Variants in DMD observed in about 807,000 individuals in gnomAD.
DMD encodes the protein mutant dystrophin.
In DMD, 63 loss-of-function variants were observed where a neutral mutation model predicts 330.1. The ratio of observed to expected loss-of-function variants is 0.19; its 90% CI spans 0.16 to 0.24. The LOEUF (loss-of-function observed/expected upper bound fraction) is 0.24, where lower values mean the gene tolerates loss of function less well. DMD is among the 10% of genes least tolerant of loss of function. The probability of loss-of-function intolerance (pLI) is 1.00; values close to 1 mark genes in which losing one functional copy is unlikely to be tolerated. For synonymous variants in DMD, 1,223 were observed against 959.8 expected (o/e 1.27, Z -5.07); for missense variants, 3,344 against 2,684.1 (o/e 1.25, Z -5.43).
At chrX:31,508,139 G>A (rs371510620) in intron 55 of DMD, 6 of 864,227 alleles carry the variant, frequency 6.9e-6, no homozygotes, top group Non-Finnish European at 1.0e-5. Flanking sequence ...GTTATGATAA[G>A]AGGTTATGCA....
chrX:31,706,483 C>CT (rs1198470709), intron 52 of DMD, among the ~76,000 whole-genome samples: 5 of 111,292 alleles, frequency 4.5e-5, no homozygotes, highest in Admixed American at 9.6e-5. Flanking sequence ...ATCCTGCCAT[C>CT]TTTTTTTGCT....
At chrX:32,357,400 C>T (rs2097806095) in intron 37 of DMD, among the ~76,000 whole-genome samples, 1 of 111,344 alleles carries the variant, frequency 9.0e-6, no homozygotes, top group South Asian at 3.8e-4. Flanking sequence ...AACTCTTGTG[C>T]TCCACTCCAG....
chrX:32,761,149 T>A (rs778928042), intron 7 of DMD, among the ~76,000 whole-genome samples: 2 of 112,116 alleles, frequency 1.8e-5, no homozygotes, highest in Non-Finnish European at 3.8e-5. Flanking sequence ...TTTAATAATG[T>A]TGTCTCCTTT....
At chrX:31,340,419 A>C (rs1173255725) in intron 61 of DMD, among the ~76,000 whole-genome samples, 1 of 112,696 alleles carries the variant, frequency 8.9e-6, no homozygotes, top group Non-Finnish European at 1.9e-5. Context: ...CAAAGGTAGT[A>C]CATGCTATTA....
At chrX:31,530,326 T>C (rs1056042073) in intron 55 of DMD, among the ~76,000 whole-genome samples, 1 of 111,936 alleles carries the variant, frequency 8.9e-6, no homozygotes, top group Non-Finnish European at 1.9e-5. Flanking sequence ...AGATATGGTA[T>C]ATTATACACA....
intron 60 of DMD, among the ~76,000 whole-genome samples, chrX:31,384,309 C>CACT (rs79171547): frequency 0.061 from 5,531 of 91,218 alleles, 171 homozygotes; most frequent in Non-Finnish European, 0.065. Flanking sequence ...TATCCTGCTT[C>CACT]ACTACTACTA....
At chrX:32,767,865 C>A (rs1569514859) in intron 7 of DMD, among the ~76,000 whole-genome samples, 1 of 111,603 alleles carries the variant, frequency 9.0e-6, no homozygotes, top group African/African-American at 3.3e-5. Context: ...TATATACACA[C>A]CCTACTATGT....
At chrX:32,631,300 G>A (rs1051117497) in intron 11 of DMD, among the ~76,000 whole-genome samples, 1 of 111,443 alleles carries the variant, frequency 9.0e-6, no homozygotes, top group South Asian at 3.8e-4. Context: ...ACAACACTGG[G>A]TCTTGATCAA....
intron 55 of DMD, among the ~76,000 whole-genome samples, chrX:31,583,489 G>C (rs1005963240): frequency 9.0e-6 from 1 of 111,019 alleles, no homozygotes; most frequent in Non-Finnish European, 1.9e-5. Context: ...AATTTGGCAG[G>C]GGGTAGGCTA....
intron 55 of DMD, among the ~76,000 whole-genome samples, chrX:31,604,507 C>A (rs2077519069): frequency 9.0e-6 from 1 of 111,643 alleles, no homozygotes; most frequent in African/African-American, 3.3e-5. Flanking sequence ...CGAGTGAAGG[C>A]ATTTTTCCCA....
Position 32,448,658 on chromosome X carries a change from CTCTTAATAGCATGAAAA to C in DMD, c.3604-37_3604-21del. The C allele has an allele frequency of 8.6e-7, 1 of 1,160,348 alleles. No individual in the cohort carries two copies. Among genetic ancestry groups the C allele is most frequent in the Non-Finnish European group, 1.2e-6 (1 of 864,280 alleles). On this transcript the variant is annotated intron_variant, in intron 26 of 78. Transcript: ENST00000357033. ...AGCTCTCTGAAAAATAAAGAATGCTCTCTTAATAGCATGAAAATAACTTTACATCCAAAATGCATTTC... is the reference window on the plus strand; with the variant it reads ...AGCTCTCTGAAAAATAAAGAATGCTCTAACTTTACATCCAAAATGCATTTC...
At chrX:31,516,259 T>C (rs1241742581) in intron 55 of DMD, among the ~76,000 whole-genome samples, 3 of 101,073 alleles carry the variant, frequency 3.0e-5, no homozygotes, top group African/African-American at 1.1e-4. Flanking sequence ...CTATTATGGA[T>C]TGGGAATTAA....
At chrX:31,460,470 A>G (rs1258559852) in intron 59 of DMD, among the ~76,000 whole-genome samples, 1 of 112,527 alleles carries the variant, frequency 8.9e-6, no homozygotes, top group East Asian at 2.8e-4. Context: ...TCTATAAAGT[A>G]CTATTTTATC....
intron 39 of DMD, 32 bp from the exon 40 acceptor site, chrX:32,343,318 A>AAT (rs771991144): frequency 1.9e-4 from 213 of 1,144,963 alleles, no homozygotes; most frequent in South Asian, 6.5e-4. Context: ...TTAAAATATC[A>AAT]ATATATATGT....
intron 2 of DMD, among the ~76,000 whole-genome samples, chrX:32,878,752 G>A (rs1166449940): frequency 1.8e-5 from 2 of 110,369 alleles, no homozygotes; most frequent in Non-Finnish European, 3.8e-5. Context: ...GCTCATGCCT[G>A]TAAGCCCAAC....
chrX:33,125,772 A>G (rs894303112), intron 1 of DMD, among the ~76,000 whole-genome samples: 5 of 111,846 alleles, frequency 4.5e-5, no homozygotes, highest in Non-Finnish European at 5.6e-5. Flanking sequence ...TCTTAGTTTT[A>G]ATGGCCCAAA....
At chrX:31,651,412 T>A (rs2080444538) in intron 54 of DMD, among the ~76,000 whole-genome samples, 1 of 111,199 alleles carries the variant, frequency 9.0e-6, no homozygotes, top group African/African-American at 3.3e-5. Flanking sequence ...GAGAGACAAT[T>A]AAGAATGGAA....
intron 5 of DMD, among the ~76,000 whole-genome samples, chrX:32,821,478 C>T (rs1252183889): frequency 9.2e-6 from 1 of 108,956 alleles, no homozygotes; most frequent in Admixed American, 9.8e-5. Flanking sequence ...GTCCCAGCTA[C>T]TCGGGAGGCT....
chrX:31,831,534 G>A (rs1483625732), intron 49 of DMD, among the ~76,000 whole-genome samples: 1 of 111,660 alleles, frequency 9.0e-6, no homozygotes, highest in Non-Finnish European at 1.9e-5. Context: ...TTTATGCATT[G>A]GGATTAGCAT....
Sources: gnomAD v4.1 joint callset for allele counts (sites outside exome capture counted in the v4.1 genomes callset) on GRCh38, gnomAD v4.1.1 for gene constraint, MANE v1.5 for transcripts, NCBI Gene and HGNC (gene_info 2026-07-23, HGNC 2026-07-21) for gene names.